The following HSPA4 variants were observed in gnomAD, a reference collection of about 807,000 sequenced individuals.
HSPA4 encodes heat shock protein family A (Hsp70) member 4.
Under a neutral mutation model 106.2 loss-of-function variants are expected in HSPA4, and 25 were observed. That is an observed-to-expected ratio of 0.24 (90% CI 0.17 to 0.33). The LOEUF (loss-of-function observed/expected upper bound fraction) is 0.33, where lower values mean the gene tolerates loss of function less well. Among genes scored for constraint, HSPA4 ranks in the 10% least tolerant of loss-of-function variants. The pLI is 1.00. For missense variants in HSPA4, 841 were observed against 996.0 expected (o/e 0.84, Z 2.10); for synonymous variants, 332 against 333.6 (o/e 1.00, Z 0.05).
At chr5:133,053,283 A>G (rs1765106100) in intron 1 of HSPA4, among the ~76,000 whole-genome samples, 1 of 147,966 alleles carries the variant, frequency 6.8e-6, no homozygotes, top group African/African-American at 2.5e-5. Flanking sequence ...CTTAGACAAA[A>G]TCTTGTAAGA....
intron 17 of HSPA4, among the ~76,000 whole-genome samples, chr5:133,103,559 T>A (rs1424086780): frequency 6.6e-6 from 1 of 152,146 alleles, no homozygotes; most frequent in African/African-American, 2.4e-5. Flanking sequence ...CTAATGTAAT[T>A]TTTTTGCATT....
chr5:133,082,070 T>C (rs2126707098), intron 7 of HSPA4, among the ~76,000 whole-genome samples: 1 of 152,280 alleles, frequency 6.6e-6, no homozygotes, highest in East Asian at 1.9e-4. Flanking sequence ...GCTATGTTCA[T>C]ACAATGGGAT....
chr5:133,073,265 A>G lies in HSPA4; in HGVS notation c.465A>G (p.Ser155=), dbSNP rs149245317. The change falls in exon 5 of 19, where the codon TCA becomes TCG. Residue 155 remains serine (S), a synonymous_variant. Transcript: ENST00000304858. ...PCFYTDAERR[S]VMDATQIAGL... ...TCTATACTGATGCAGAAAGACGATCAGTGATGGATGCAACACAGATTGCTG... is the reference window on the plus strand; with the variant it reads ...TCTATACTGATGCAGAAAGACGATCGGTGATGGATGCAACACAGATTGCTG... The G allele has an allele frequency of 2.5e-6, 4 of 1,611,220 alleles. No individual in the cohort carries two copies. The highest frequency in any genetic ancestry group is 2.2e-5 in the South Asian group (2 of 90,558).
In HSPA4 at chr5:133,092,806, GTTTTTTTTTT is replaced by G. The variant is rs57230598; in HGVS notation, c.1650+40_1650+49del. The G allele has an allele frequency of 6.9e-3, 3,269 of 472,078 alleles. 35 individuals are homozygous for G. Among genetic ancestry groups the G allele is most frequent in the African/African-American group, 0.019 (528 of 28,034 alleles). The allele number at this position is 472,078 out of a possible 1,614,324, so 29.2% of individuals were successfully genotyped here. ...GAAATGGAGGTATGCATTGGGTGGTGTTTTTTTTTTTTTTTTTTTTTTTTTTTTTTTTGAG... is the reference window on the plus strand; with the variant it reads ...GAAATGGAGGTATGCATTGGGTGGTGTTTTTTTTTTTTTTTTTTTTTTGAG... On this transcript the variant is annotated intron_variant, in intron 13 of 18. Coordinates refer to ENST00000304858, the MANE Select transcript of HSPA4 (RefSeq NM_002154.4).
intron 2 of HSPA4, 72 bp downstream of exon 2, chr5:133,065,109 G>T (rs1047474152): frequency 1.0e-5 from 13 of 1,272,698 alleles, no homozygotes; most frequent in Middle Eastern, 3.7e-4. Flanking sequence ...GTAGTTGAAT[G>T]CCCATTATGT....
At chr5:133,103,270 A>G (rs1409928442) in intron 17 of HSPA4, among the ~76,000 whole-genome samples, 2 of 151,680 alleles carry the variant, frequency 1.3e-5, no homozygotes, top group Admixed American at 6.6e-5. Context: ...TGTGTTGTCC[A>G]GGTCTTGAAG....
chr5:133,074,241 G>T, intron 6 of HSPA4, 115 bp downstream of exon 6: 1 of 557,480 alleles, frequency 1.8e-6, no homozygotes, highest in Non-Finnish European at 3.0e-6. Flanking sequence ...TACCTTACAG[G>T]GTTATTCAGA....
chr5:133,066,254 G>A (rs576262497), intron 2 of HSPA4, among the ~76,000 whole-genome samples: 11 of 152,216 alleles, frequency 7.2e-5, no homozygotes, highest in Admixed American at 1.3e-4. Flanking sequence ...GATTTGGGTG[G>A]CCTCATCTGT....
rs149391962 is a variant in HSPA4 at position 133,100,636 on chromosome 5, T to G, written c.2037+984T>G. 2.9e-3 allele frequency among the ~76,000 whole-genome samples: 440 copies of G among 152,210 alleles called. 4 individuals are homozygous for G. The highest frequency in any genetic ancestry group is 9.9e-3 in the African/African-American group (410 of 41,550). On this transcript the variant is annotated intron_variant, in intron 16 of 18. Transcript: ENST00000304858. ...CCTGTCTCTACTAAAAATACAAAAA[T>G]TAGCCGAGCGTGGTGGCGGGTGCCT...
chr5:133,086,606 C>T (rs897748486), intron 7 of HSPA4, among the ~76,000 whole-genome samples, 176 bp from the exon 8 acceptor site: 2 of 152,200 alleles, frequency 1.3e-5, no homozygotes. Context: ...AAACACTTTT[C>T]CCAAGTGGCT....
chr5:133,095,105 T>G (rs1396003591), intron 13 of HSPA4, among the ~76,000 whole-genome samples: 1 of 151,742 alleles, frequency 6.6e-6, no homozygotes, highest in East Asian at 1.9e-4. Context: ...AGGTCAGGAG[T>G]TCGAGACCAG....
At chr5:133,054,300 T>TAG (rs1765131233) in intron 1 of HSPA4, among the ~76,000 whole-genome samples, 1 of 152,074 alleles carries the variant, frequency 6.6e-6, no homozygotes, top group Non-Finnish European at 1.5e-5. Context: ...CCTCCTGGGT[T>TAG]CAAGCGATTC....
intron 17 of HSPA4, 26 bp from the exon 18 acceptor site, chr5:133,103,839 C>T (rs1765820650): frequency 6.2e-7 from 1 of 1,602,668 alleles, no homozygotes. Flanking sequence ...ACTTTTAGCA[C>T]TTGTTTGACT....
At chr5:133,069,160 T>C (rs1284311079) in intron 3 of HSPA4, among the ~76,000 whole-genome samples, 2 of 152,228 alleles carry the variant, frequency 1.3e-5, no homozygotes, top group Admixed American at 1.3e-4. Context: ...AGTCCTTCAA[T>C]ATTTAAAATT....
At chr5:133,090,300 G>A (rs187288821) in intron 11 of HSPA4, among the ~76,000 whole-genome samples, 2,823 of 151,702 alleles carry the variant, frequency 0.019, 96 homozygotes, top group African/African-American at 0.065. Flanking sequence ...GTGTGGTGGC[G>A]GGCGCCTGTA....
chr5:133,095,334 G>C (rs751771148), intron 13 of HSPA4, among the ~76,000 whole-genome samples: 1 of 152,136 alleles, frequency 6.6e-6, no homozygotes, highest in Non-Finnish European at 1.5e-5. Context: ...AGAAGAGTCA[G>C]TTGTTTGTGG....
At position 133,052,210 on chromosome 5, in the gene HSPA4, G is replaced by C. The variant is rs1765088678; in HGVS notation, c.-41G>C. On this transcript the variant is annotated 5_prime_UTR_variant, in exon 1 of 19. Transcript: ENST00000304858. The stretch of plus-strand genomic sequence containing the variant: ...CGCCGGGGGTCCGTGTCCTGTCTCG[G>C]TGGCCGGACCCGGGCCCGAGCCCGA... 7.0e-7 allele frequency: 1 copy of C among 1,418,938 alleles called. No individual in the cohort carries two copies. Among genetic ancestry groups the C allele is most frequent in the Non-Finnish European group, 9.6e-7 (1 of 1,036,888 alleles). The allele number at this position is 1,418,938 out of a possible 1,614,324, so 87.9% of individuals were successfully genotyped here. A position where few individuals can be genotyped will look rare whatever the true frequency, so the allele number is the denominator to read the frequency against.
chr5:133,097,352 G>T, intron 15 of HSPA4, 66 bp downstream of exon 15: 1 of 1,471,374 alleles, frequency 6.8e-7, no homozygotes, highest in Non-Finnish European at 9.5e-7. Context: ...TGGGTTAGAA[G>T]GGAAGTGTGC....
chr5:133,085,677 C>T (rs993668661), intron 7 of HSPA4, among the ~76,000 whole-genome samples: 2 of 150,982 alleles, frequency 1.3e-5, no homozygotes, highest in Non-Finnish European at 3.0e-5. Flanking sequence ...AGCCCTGCCG[C>T]CCCCGCCCCC....
Sources: allele counts gnomAD v4.1 joint callset (sites outside exome capture counted in the v4.1 genomes callset), GRCh38; gene constraint gnomAD v4.1.1; transcripts MANE v1.5; gene names NCBI Gene and HGNC (gene_info 2026-07-23, HGNC 2026-07-21).